The following PDE10A variants were observed in gnomAD, a reference collection of about 807,000 sequenced individuals.
PDE10A encodes the protein cAMP and cAMP-inhibited cGMP 3',5'-cyclic phosphodiesterase 10A.
Under a neutral mutation model 97.7 loss-of-function variants are expected in PDE10A, and 39 were observed. That is an observed-to-expected ratio of 0.40 (90% CI 0.31 to 0.52). PDE10A has a LOEUF of 0.52. Ranked by LOEUF, PDE10A falls within the 20% of genes least tolerant of loss-of-function variation. PDE10A has a pLI of 0.56. For missense variants in PDE10A, 731 were observed against 1,047.8 expected (o/e 0.70, Z 4.17); for synonymous variants, 371 against 376.8 (o/e 0.98, Z 0.18).
intron 1 of PDE10A, among the ~76,000 whole-genome samples, chr6:165,815,282 A>G (rs539543999): frequency 6.6e-6 from 1 of 152,354 alleles, no homozygotes; most frequent in African/African-American, 2.4e-5. Flanking sequence ...TGCAGAGTTC[A>G]CTGTGTTTTT....
intron 16 of PDE10A, among the ~76,000 whole-genome samples, chr6:165,389,042 C>T (rs1050760227): frequency 2.0e-5 from 3 of 152,090 alleles, no homozygotes; most frequent in Admixed American, 6.5e-5. Flanking sequence ...GTAAGGAGAG[C>T]GGCAAGCGCA....
At chr6:165,897,984 G>A (rs747779948) in intron 1 of PDE10A, among the ~76,000 whole-genome samples, 2 of 151,862 alleles carry the variant, frequency 1.3e-5, no homozygotes, top group Non-Finnish European at 2.9e-5. Flanking sequence ...GCGGTCCTTT[G>A]CCGACCACTC....
At chr6:165,640,201 G>C (rs1789066650) in intron 1 of PDE10A, among the ~76,000 whole-genome samples, 1 of 152,166 alleles carries the variant, frequency 6.6e-6, no homozygotes, top group East Asian at 1.9e-4. Context: ...CTGCTGAAAG[G>C]CTTTCAAAAC....
chr6:165,535,574 G>A (rs1459820001), intron 2 of PDE10A, among the ~76,000 whole-genome samples: 2 of 151,574 alleles, frequency 1.3e-5, no homozygotes, highest in African/African-American at 4.8e-5. Context: ...CCATGGCTGA[G>A]TAGTATTCTA....
chr6:165,579,517 C>T (rs150347712), intron 1 of PDE10A, among the ~76,000 whole-genome samples: 1,934 of 152,290 alleles, frequency 0.013, 25 homozygotes, highest in Middle Eastern at 0.017. Flanking sequence ...TTGTTGCAAA[C>T]TTCAAAATTC....
At chr6:165,897,597 A>G (rs1781989060) in intron 1 of PDE10A, among the ~76,000 whole-genome samples, 1 of 151,954 alleles carries the variant, frequency 6.6e-6, no homozygotes, top group Non-Finnish European at 1.5e-5. Context: ...TGATGGGATC[A>G]TGGCAGGGGA....
intron 1 of PDE10A, among the ~76,000 whole-genome samples, chr6:165,928,949 A>G (rs1562802470): frequency 6.6e-6 from 1 of 152,132 alleles, no homozygotes; most frequent in African/African-American, 2.4e-5. Context: ...GAACTAAACC[A>G]TGGTGCACGT....
At chr6:165,497,520 T>A (rs1338652198) in intron 2 of PDE10A, among the ~76,000 whole-genome samples, 1 of 152,218 alleles carries the variant, frequency 6.6e-6, no homozygotes. Context: ...AAATATCATA[T>A]ATAAATTGGA....
chr6:165,536,804 C>T (rs948829013), intron 2 of PDE10A, among the ~76,000 whole-genome samples: 3 of 151,678 alleles, frequency 2.0e-5, no homozygotes, highest in African/African-American at 7.3e-5. Context: ...CAGAAAACAA[C>T]AAATGCTGGC....
At chr6:165,834,754 TAGACAG>T (rs1349312234) in intron 1 of PDE10A, among the ~76,000 whole-genome samples, 27 of 152,262 alleles carry the variant, frequency 1.8e-4, no homozygotes, top group African/African-American at 5.3e-4. Context: ...GACTCACATC[TAGACAG>T]AGACAGAGTC....
At position 165,734,512 on chromosome 6, in the gene PDE10A, A is replaced by C. The variant is rs903833132; in HGVS notation, c.-614-190944T>G. 2.0e-5 allele frequency among the ~76,000 whole-genome samples: 3 copies of C among 152,232 alleles called. No homozygotes were observed. The East Asian group carries it at 5.8e-4, about 29-fold the overall frequency. ...GGATCCAAAACCATAATTTAAAAAA[A>C]CTTTTGAAGAAAAGAACAGGCAGAT... On this transcript the variant is annotated intron_variant, in intron 1 of 19. Coordinates refer to the PDE10A transcript ENST00000366882.
chr6:165,789,039 G>A (rs960668707), intron 1 of PDE10A, among the ~76,000 whole-genome samples: 2 of 152,152 alleles, frequency 1.3e-5, no homozygotes, highest in Admixed American at 6.5e-5. Context: ...GAAGGAGGCC[G>A]AGGGAGGGGC....
chr6:165,491,931 T>C (rs529337557), intron 2 of PDE10A, among the ~76,000 whole-genome samples: 1 of 151,764 alleles, frequency 6.6e-6, no homozygotes, highest in South Asian at 2.1e-4. Context: ...GGTGGTTCTT[T>C]GAAAACATCC....
chr6:165,420,680 A>G (rs1788630143), intron 10 of PDE10A, among the ~76,000 whole-genome samples: 1 of 152,230 alleles, frequency 6.6e-6, no homozygotes, highest in African/African-American at 2.4e-5. Flanking sequence ...AATGTTTCAG[A>G]AAATAAAATA....
intron 13 of PDE10A, among the ~76,000 whole-genome samples, chr6:165,408,030 C>T (rs148736436): frequency 2.0e-5 from 3 of 152,266 alleles, no homozygotes; most frequent in African/African-American, 7.2e-5. Flanking sequence ...ATGTGCCCTG[C>T]TTCTTAGATA....
At chr6:165,506,906 T>A (rs1188944217) in intron 2 of PDE10A, among the ~76,000 whole-genome samples, 2 of 152,148 alleles carry the variant, frequency 1.3e-5, no homozygotes, top group South Asian at 4.1e-4. Flanking sequence ...GATGTCTTTG[T>A]CCCGGAAGCA....
chr6:165,703,478 CCTT>C (rs1337612312), intron 1 of PDE10A, among the ~76,000 whole-genome samples: 2 of 152,240 alleles, frequency 1.3e-5, no homozygotes, highest in African/African-American at 4.8e-5. Context: ...GTACTTTCCT[CCTT>C]CATTCATTCT....
chr6:165,443,680 C>G (rs1169873739), intron 5 of PDE10A, among the ~76,000 whole-genome samples: 1 of 152,212 alleles, frequency 6.6e-6, no homozygotes, highest in Non-Finnish European at 1.5e-5. Flanking sequence ...GCCCCTGCAG[C>G]AGACTTCTGC....
intron 2 of PDE10A, among the ~76,000 whole-genome samples, chr6:165,511,154 T>A (rs912485890): frequency 5.6e-4 from 85 of 152,108 alleles, no homozygotes; most frequent in African/African-American, 2.0e-3. Context: ...CTGATGTAGG[T>A]GTTTGTTGCT....
Sources: allele counts gnomAD v4.1 joint callset (sites outside exome capture counted in the v4.1 genomes callset), GRCh38; gene constraint gnomAD v4.1.1; transcripts MANE v1.5; gene names NCBI Gene and HGNC (gene_info 2026-07-23, HGNC 2026-07-21).